MS4A15: variants seen among roughly 807,000 people sequenced by gnomAD.
MS4A15 encodes the protein membrane-spanning 4-domains subfamily A member 15.
In MS4A15, 22 loss-of-function variants were observed where a neutral mutation model predicts 20.6. That is an observed-to-expected ratio of 1.07 (90% CI 0.76 to 1.52). MS4A15 has a LOEUF of 1.52. Ranked by LOEUF, MS4A15 falls within the 40% of genes most tolerant of loss-of-function variation. The pLI is 0.00. For synonymous variants in MS4A15, 129 were observed against 129.3 expected (o/e 1.00, Z 0.02); for missense variants, 312 against 323.0 (o/e 0.97, Z 0.26).
intron 3 of MS4A15, among the ~76,000 whole-genome samples, chr11:60,768,903 A>G (rs1284565636): frequency 6.6e-6 from 1 of 152,160 alleles, no homozygotes; most frequent in Non-Finnish European, 1.5e-5. Flanking sequence ...CAAGAGCACA[A>G]AATCCACCAG....
intron 4 of MS4A15, chr11:60,771,704 G>A: frequency 2.3e-6 from 3 of 1,308,476 alleles, no homozygotes; most frequent in Non-Finnish European, 3.0e-6. Context: ...GCACGGAGGA[G>A]TGTGGGCAGG....
At chr11:60,768,047 G>C (rs1233713595) in intron 3 of MS4A15, among the ~76,000 whole-genome samples, 3 of 152,146 alleles carry the variant, frequency 2.0e-5, no homozygotes, top group Non-Finnish European at 2.9e-5. Flanking sequence ...ACAAAAATTA[G>C]CCGGGCACGG....
In MS4A15 at chr11:60,775,799, G is replaced by A. The variant is rs1854180300; in HGVS notation, c.*84G>A. ...CCCCACCCCCACCTTGTTCATCAGG[G>A]GCCAGCCCCATCCCAGCTGCCCTCC... On this transcript the variant is annotated 3_prime_UTR_variant, in exon 7 of 7. Coordinates refer to ENST00000405633, the MANE Select transcript of MS4A15 (RefSeq NM_001098835.2). The A allele has an allele frequency of 2.7e-6, 3 of 1,121,012 alleles. No homozygotes were observed. The highest frequency in any genetic ancestry group is 1.4e-5 in the South Asian group (1 of 71,054). The allele number at this position is 1,121,012 out of a possible 1,614,324, so 69.4% of individuals were successfully genotyped here.
rs147488554 is a variant in MS4A15, at chr11:60,775,669, C to T, written c.677C>T (p.Ala226Val). Reference protein sequence around the residue: ...DFNIPSPAASAPPAYDNVAYA... With the variant: ...DFNIPSPAASVPPAYDNVAYA... ...AACATCCCCAGCCCGGCAGCCTCTG[C>T]GCCCCCTGCCTATGACAATGTGGCA... The change falls in exon 7 of 7, where the codon GCG (alanine) becomes GTG (valine). Residue 226 changes from alanine (A) to valine (V), a missense_variant. By Grantham distance (64) the Ala-to-Val change is moderately conservative. Transcript: ENST00000405633. 1.1e-5 allele frequency: 18 copies of T among 1,613,810 alleles called. No individual in the cohort carries two copies. The highest frequency in any genetic ancestry group is 2.7e-5 in the African/African-American group (2 of 74,940).
intron 2 of MS4A15, among the ~76,000 whole-genome samples, chr11:60,766,751 A>G (rs559595516): frequency 6.6e-6 from 1 of 152,308 alleles, no homozygotes; most frequent in South Asian, 2.1e-4. Context: ...TGACATGACA[A>G]TTCTAGTTGT....
In MS4A15 at chr11:60,773,904, T is replaced by C. The variant is rs1565074946; in HGVS notation, c.566T>C (p.Ile189Thr). The change falls in exon 6 of 7, where the codon ATT becomes ACT. Residue 189 changes from isoleucine to threonine, a missense_variant. Coordinates refer to ENST00000405633, the MANE Select transcript of MS4A15 (RefSeq NM_001098835.2). Reference protein sequence around the residue: ...FTVLEFFTAVIAMHFGCQAIH... With the variant: ...FTVLEFFTAVTAMHFGCQAIH... ...GTCCTGGAGTTCTTCACAGCGGTCA[T>C]TGCCATGCACTTCGGGTGCCAAGCC... 1.9e-6 allele frequency: 3 copies of C among 1,614,022 alleles called. No homozygotes were observed. The highest frequency in any genetic ancestry group is 1.7e-6 in the Non-Finnish European group (2 of 1,180,038).
chr11:60,759,770 T>C (rs1319004738), intron 1 of MS4A15, among the ~76,000 whole-genome samples: 1 of 152,178 alleles, frequency 6.6e-6, no homozygotes, highest in Non-Finnish European at 1.5e-5. Flanking sequence ...AACATAAATC[T>C]AGCCTACGTG....
chr11:60,759,056 AC>A (rs1853661702), intron 1 of MS4A15, among the ~76,000 whole-genome samples: 1 of 152,170 alleles, frequency 6.6e-6, no homozygotes, highest in Non-Finnish European at 1.5e-5. Context: ...TTACTAATGA[AC>A]CCCTACTAGC....
intron 2 of MS4A15, among the ~76,000 whole-genome samples, chr11:60,764,370 TAAAG>T (rs1298581104): frequency 6.6e-6 from 1 of 151,852 alleles, no homozygotes; most frequent in African/African-American, 2.4e-5. Flanking sequence ...GTGTGGCTGT[TAAAG>T]GAAGAGGTGG....
intron 1 of MS4A15, among the ~76,000 whole-genome samples, chr11:60,763,219 C>T (rs1178057654): frequency 6.6e-6 from 1 of 152,040 alleles, no homozygotes. Context: ...AGAAAGCTTC[C>T]CACAGCAGGT....
chr11:60,760,305 A>G (rs1853705470), intron 1 of MS4A15, among the ~76,000 whole-genome samples: 1 of 152,236 alleles, frequency 6.6e-6, no homozygotes, highest in South Asian at 2.1e-4. Flanking sequence ...GTTTCATTTA[A>G]CACTTGCTCA....
chr11:60,761,437 TG>T (rs941040853), intron 1 of MS4A15, among the ~76,000 whole-genome samples: 14 of 152,302 alleles, frequency 9.2e-5, no homozygotes, highest in African/African-American at 2.9e-4. Context: ...GAGTAGGGAC[TG>T]GGGATATAAG....
intron 3 of MS4A15, among the ~76,000 whole-genome samples, chr11:60,768,249 G>T (rs1046208052): frequency 1.1e-4 from 17 of 152,146 alleles, no homozygotes; most frequent in Non-Finnish European, 4.4e-5. Flanking sequence ...CACCTGCACT[G>T]CCCAGATCCT....
chr11:60,767,689 G>A (rs1853920150), intron 3 of MS4A15, 34 bp downstream of exon 3: 1 of 1,514,134 alleles, frequency 6.6e-7, no homozygotes, highest in Non-Finnish European at 8.9e-7. Context: ...GGAGGGTAGG[G>A]GGATGCTGCC....
intron 5 of MS4A15, 122 bp from the exon 6 acceptor site, chr11:60,773,715 A>C: frequency 1.1e-6 from 1 of 877,864 alleles, no homozygotes; most frequent in South Asian, 1.4e-5. Context: ...CGGCAGGGGG[A>C]CTGGCTCCAG....
At chr11:60,773,342 C>G in intron 4 of MS4A15, 50 bp from the exon 5 acceptor site, 1 of 1,516,232 alleles carries the variant, frequency 6.6e-7, no homozygotes, top group Non-Finnish European at 9.0e-7. Flanking sequence ...CCTGCCTTTT[C>G]TCCTTCTCTT....
intron 2 of MS4A15, among the ~76,000 whole-genome samples, chr11:60,765,115 T>C (rs1853851875): frequency 1.3e-5 from 2 of 152,140 alleles, no homozygotes; most frequent in African/African-American, 4.8e-5. Context: ...GTGTCTGCCT[T>C]ATTTGGGCAT....
At chr11:60,773,775 A>C in intron 5 of MS4A15, 62 bp from the exon 6 acceptor site, 1 of 1,438,150 alleles carries the variant, frequency 7.0e-7, no homozygotes. Flanking sequence ...AGTGGTTCTC[A>C]CTCGGGGGAC....
At chr11:60,774,785 A>G (rs1854142830) in intron 6 of MS4A15, among the ~76,000 whole-genome samples, 1 of 152,236 alleles carries the variant, frequency 6.6e-6, no homozygotes, top group African/African-American at 2.4e-5. Flanking sequence ...AATGCAGGCC[A>G]CAGGGTGGGG....
Sources: gnomAD v4.1 joint callset for allele counts (sites outside exome capture counted in the v4.1 genomes callset) on GRCh38, gnomAD v4.1.1 for gene constraint, MANE v1.5 for transcripts, NCBI Gene and HGNC (gene_info 2026-07-23, HGNC 2026-07-21) for gene names.